The following ANKRD23 variants were observed in gnomAD, a reference collection of about 807,000 sequenced individuals.
The protein encoded by ANKRD23 is ankyrin repeat domain 23.
Under a neutral mutation model 38.1 loss-of-function variants are expected in ANKRD23, and 52 were observed. The ratio of observed to expected loss-of-function variants is 1.36; its 90% CI spans 1.09 to 1.72. ANKRD23 has a LOEUF of 1.72. Ranked by LOEUF, ANKRD23 falls within the 40% of genes most tolerant of loss-of-function variation. The pLI is 0.00. For missense variants in ANKRD23, 416 were observed against 400.2 expected (o/e 1.04, Z -0.34); for synonymous variants, 167 against 162.9 (o/e 1.03, Z -0.19).
intron 3 of ANKRD23, chr2:96,841,286 A>G: frequency 5.2e-6 from 1 of 191,476 alleles, no homozygotes. Flanking sequence ...ATCCAATGTG[A>G]CTGATGTCCT....
chr2:96,841,468 G>A (rs1306388848), intron 3 of ANKRD23, among the ~76,000 whole-genome samples: 2 of 151,736 alleles, frequency 1.3e-5, no homozygotes, highest in African/African-American at 4.8e-5. Flanking sequence ...GCGTGGTGGC[G>A]GGTGCCTGTG....
In ANKRD23 at chr2:96,840,620, C is replaced by T; in HGVS notation, c.427-106G>A. 2.6e-6 allele frequency: 4 copies of T among 1,513,516 alleles called. 1 individual carries two copies. The South Asian group carries it at 3.5e-5, about 13-fold the overall frequency. The allele number at this position is 1,513,516 out of a possible 1,614,324, so 93.8% of individuals were successfully genotyped here. A position where few individuals can be genotyped will look rare whatever the true frequency, so the allele number is the denominator to read the frequency against. ...GTCCCTGAATGGAATTGCCACTTCC[C>T]CCACCACGCGATGGGCCGCTCCCTC... On this transcript the variant is annotated intron_variant, in intron 4 of 8. Coordinates refer to ENST00000318357, the MANE Select transcript of ANKRD23 (RefSeq NM_144994.8).
chr2:96,842,400 C>T lies in ANKRD23; in HGVS notation c.139G>A (p.Glu47Lys), dbSNP rs199616781. 1 of 1,605,942 alleles carries T rather than the reference C, an allele frequency of 6.2e-7. No individual in the cohort carries two copies. The highest frequency in any genetic ancestry group is 1.7e-5 in the Admixed American group (1 of 59,654). ...RRGPQEAVAR[E>K]KLKLEEEKKK... ...TTCTCTTCTTCCAATTTCAGCTTCT[C>T]CCGGGCCACAGCCTCTTGGGGGCCC... The change falls in exon 2 of 9, where the codon GAG becomes AAG. Residue 47 changes from glutamate (E) to lysine (K), a missense_variant. Coordinates refer to ENST00000318357, the MANE Select transcript of ANKRD23 (RefSeq NM_144994.8).
intron 8 of ANKRD23, 41 bp from the exon 9 acceptor site, chr2:96,839,685 A>G: frequency 6.3e-7 from 1 of 1,593,362 alleles, no homozygotes. Flanking sequence ...CAGGCGCTCC[A>G]CCCGCCCTCG....
Position 96,840,259 on chromosome 2 carries a change from C to T in ANKRD23, c.597G>A (p.Gln199=), listed in dbSNP as rs754370159. The change falls in exon 6 of 9, where the codon CAG becomes CAA. Residue 199 remains glutamine (Q), a synonymous_variant. Transcript: ENST00000318357. ...HLVILKQLLN[Q]GARVNARDKI... ...TGTCCCGGGCATTGACCCGGGCTCC[C>T]TGGTTAAGCAGCTGTTTGAGGATGA... 1.2e-5 allele frequency: 20 copies of T among 1,611,546 alleles called. No individual in the cohort carries two copies. In the East Asian group the frequency reaches 4.0e-4, roughly 32 times the overall value.
At position 96,840,214 on chromosome 2, in the gene ANKRD23, A is replaced by G. The variant is rs1348432340; in HGVS notation, c.624+18T>C. On this transcript the variant is annotated intron_variant, in intron 6 of 8. Transcript: ENST00000318357. ...CTCCCGTGTTCCCGACAGGCCCCCA[A>G]AGCACCGTGCCCCTCACCTTGTCCC... is the stretch of plus-strand genomic sequence containing the variant. 6.2e-7 allele frequency: 1 copy of G among 1,604,316 alleles called. No homozygotes were observed. The highest frequency in any genetic ancestry group is 8.5e-7 in the Non-Finnish European group (1 of 1,174,920).
At chr2:96,842,734 G>A (rs1424656917) in intron 1 of ANKRD23, among the ~76,000 whole-genome samples, 3 of 152,228 alleles carry the variant, frequency 2.0e-5, no homozygotes, top group African/African-American at 7.2e-5. Flanking sequence ...GACACCCAGG[G>A]GGACAACGGA....
At position 96,839,814 on chromosome 2, in the gene ANKRD23, C is replaced by T. The variant is rs1233050765; in HGVS notation, c.735G>A (p.Thr245=). 6.2e-7 allele frequency: 1 copy of T among 1,612,568 alleles called. No homozygotes were observed. Among genetic ancestry groups the T allele is most frequent in the Non-Finnish European group, 8.5e-7 (1 of 1,179,726 alleles). Residue 245 remains threonine, a synonymous_variant, in exon 8 of 9, where the codon ACG becomes ACA. Transcript: ENST00000318357. ...HLNAQDKEGD[T]ALHEAVRHGS... is the part of the protein sequence containing the mutation. The stretch of plus-strand genomic sequence containing the variant: ...CGTGCCGCACGGCCTCGTGCAGAGC[C>T]GTGTCCCCTTCCTGCTGAGAACGCA...
chr2:96,840,910 C>T lies in ANKRD23; in HGVS notation c.303G>A (p.Pro101=), dbSNP rs374364165. 49 of 1,613,560 alleles carry T rather than the reference C, an allele frequency of 3.0e-5. No homozygotes were observed. Among genetic ancestry groups the T allele is most frequent in the Non-Finnish European group, 3.6e-5 (43 of 1,179,864 alleles). The change falls in exon 4 of 9, where the codon CCG becomes CCA. Residue 101 remains proline (P), a splice_region_variant and synonymous_variant. Transcript: ENST00000318357. ...PPRKPEPLVK[P]QSQAQVEPVG... is the part of the protein sequence containing the mutation. The stretch of plus-strand genomic sequence containing the variant: ...CAGGCTCCACCTGGGCCTGGGACTG[C>T]GGCTGGTTCAGTTGAAGACAAGACC...
intron 3 of ANKRD23, 32 bp from the exon 4 acceptor site, chr2:96,840,944 C>G: frequency 6.2e-7 from 1 of 1,608,316 alleles, no homozygotes; most frequent in East Asian, 2.2e-5. Flanking sequence ...CCAAATCACT[C>G]CCGAAGGCCG....
At position 96,838,644 on chromosome 2, in the gene ANKRD23, C is replaced by T; in HGVS notation, c.*905G>A. 1.0e-6 allele frequency: 1 copy of T among 985,518 alleles called. No individual in the cohort carries two copies. Among genetic ancestry groups the T allele is most frequent in the Non-Finnish European group, 1.2e-6 (1 of 829,990 alleles). 61.0% of individuals were successfully genotyped at this position (985,518 alleles called of 1,614,324 possible). Reference sequence around the variant, plus strand: ...GGAACATAAGGGGACATAAGGGCCTCAGGCAAACTAGGGTTACGGGCCACT... The same window carrying T: ...GGAACATAAGGGGACATAAGGGCCTTAGGCAAACTAGGGTTACGGGCCACT... On this transcript the variant is annotated 3_prime_UTR_variant, in exon 9 of 9. Coordinates refer to ENST00000318357, the MANE Select transcript of ANKRD23 (RefSeq NM_144994.8).
At chr2:96,840,976 C>A in intron 3 of ANKRD23, 64 bp from the exon 4 acceptor site, 1 of 1,586,804 alleles carries the variant, frequency 6.3e-7, no homozygotes, top group South Asian at 1.1e-5. Context: ...GATGTCACAG[C>A]TTCACCAGTC....
At chr2:96,843,200 C>T (rs2079780167) in intron 1 of ANKRD23, among the ~76,000 whole-genome samples, 1 of 152,124 alleles carries the variant, frequency 6.6e-6, no homozygotes, top group African/African-American at 2.4e-5. Flanking sequence ...GTAACAGATC[C>T]TAGGACTTTC....
At position 96,839,794 on chromosome 2, in the gene ANKRD23, C is replaced by G. The variant is rs780672957; in HGVS notation, c.755G>C (p.Arg252Pro). The G allele has an allele frequency of 6.2e-7, 1 of 1,613,234 alleles. No homozygotes were observed. Among genetic ancestry groups the G allele is most frequent in the Non-Finnish European group, 8.5e-7 (1 of 1,179,924 alleles). Residue 252 changes from arginine to proline, a missense_variant, in exon 8 of 9, where the codon CGG becomes CCG. Transcript: ENST00000318357. ...EGDTALHEAV[R>P]HGSYKAMKLL... The stretch of plus-strand genomic sequence containing the variant: ...CTTCATGGCTTTGTAGCTGCCGTGC[C>G]GCACGGCCTCGTGCAGAGCCGTGTC...
rs574095693 is a variant in ANKRD23 at position 96,841,114 on chromosome 2, A to G, written c.301-202T>C. 1.4e-4 allele frequency: 80 copies of G among 591,782 alleles called. No homozygotes were observed. In the African/African-American group the frequency reaches 1.4e-3, roughly 11 times the overall value. The allele number at this position is 591,782 out of a possible 1,614,324, so 36.7% of individuals were successfully genotyped here. A position where few individuals can be genotyped will look rare whatever the true frequency, so the allele number is the denominator to read the frequency against. On this transcript the variant is annotated intron_variant, in intron 3 of 8. Coordinates refer to ENST00000318357, the MANE Select transcript of ANKRD23 (RefSeq NM_144994.8). ...GTGTGAGCGTGTGTGTTATGGATTG[A>G]CTTGTATCTCCCCAAGATTCGTATG...
Position 96,838,767 on chromosome 2 carries a change from G to T in ANKRD23, c.*782C>A. 1 of 985,624 alleles carries T rather than the reference G, an allele frequency of 1.0e-6. No homozygotes were observed. The highest frequency in any genetic ancestry group is 1.2e-6 in the Non-Finnish European group (1 of 830,086). The allele number at this position is 985,624 out of a possible 1,614,324, so 61.1% of individuals were successfully genotyped here. A position where few individuals can be genotyped will look rare whatever the true frequency, so the allele number is the denominator to read the frequency against. ...AACGGTGTGCCAGGCCGGCCTGAGC[G>T]GGGCCAGTACACAGTGGGTGCGAGG... On this transcript the variant is annotated 3_prime_UTR_variant, in exon 9 of 9. Transcript: ENST00000318357.
chr2:96,842,571 A>T, intron 1 of ANKRD23, 60 bp from the exon 2 acceptor site: 1 of 1,557,666 alleles, frequency 6.4e-7, no homozygotes, highest in Non-Finnish European at 8.7e-7. Flanking sequence ...TAGAAAACAG[A>T]GCTGTGGAGT....
chr2:96,840,526 G>C lies in ANKRD23; in HGVS notation c.427-12C>G. 1 of 1,613,270 alleles carries C rather than the reference G, an allele frequency of 6.2e-7. No individual in the cohort carries two copies. Among genetic ancestry groups the C allele is most frequent in the Non-Finnish European group, 8.5e-7 (1 of 1,179,758 alleles). ...GCGGTGCGGTGGAGCTGAGGGCAGA[G>C]ATGGAAGATTAGGCAGAGGGAGTGC... On this transcript the variant is annotated splice_polypyrimidine_tract_variant and intron_variant, in intron 4 of 8. Coordinates refer to ENST00000318357, the MANE Select transcript of ANKRD23 (RefSeq NM_144994.8).
At chr2:96,840,142 C>G in intron 6 of ANKRD23, 47 bp from the exon 7 acceptor site, 4 of 1,550,654 alleles carry the variant, frequency 2.6e-6, no homozygotes, top group Non-Finnish European at 3.5e-6. Context: ...GGTGAGGCCT[C>G]CCTAACCCAT....
Sources: gnomAD v4.1 joint callset for allele counts (sites outside exome capture counted in the v4.1 genomes callset) on GRCh38, gnomAD v4.1.1 for gene constraint, MANE v1.5 for transcripts, NCBI Gene and HGNC (gene_info 2026-07-23, HGNC 2026-07-21) for gene names.